LAMA2: variants seen among roughly 807,000 people sequenced by gnomAD.
LAMA2 encodes the protein laminin subunit alpha 2.
Under a neutral mutation model 364.8 loss-of-function variants are expected in LAMA2, and 269 were observed. The ratio of observed to expected loss-of-function variants is 0.74; its 90% CI spans 0.67 to 0.82. The LOEUF (loss-of-function observed/expected upper bound fraction) is 0.82, where lower values mean the gene tolerates loss of function less well. LAMA2 is among the 40% of genes least tolerant of loss of function. The pLI is 0.00. For missense variants in LAMA2, 3,807 were observed against 3,873.2 expected (o/e 0.98, Z 0.45); for synonymous variants, 1,379 against 1,370.6 (o/e 1.01, Z -0.14).
chr6:129,054,845 G>A (rs7758505), intron 2 of LAMA2, among the ~76,000 whole-genome samples: 143,397 of 150,584 alleles, frequency 0.95, 68,355 homozygotes, highest in East Asian at 0.97. Flanking sequence ...GAGGAATGAT[G>A]CAAAGATTGG....
chr6:129,511,629 C>T (rs1018256882), intron 62 of LAMA2, among the ~76,000 whole-genome samples: 1 of 152,084 alleles, frequency 6.6e-6, no homozygotes, highest in Non-Finnish European at 1.5e-5. Flanking sequence ...CTGAGTATTT[C>T]TCTGATACTC....
chr6:129,472,546 A>G (rs1408526121), intron 51 of LAMA2, among the ~76,000 whole-genome samples: 1 of 151,888 alleles, frequency 6.6e-6, no homozygotes, highest in South Asian at 2.1e-4. Context: ...CCTTTTTTCC[A>G]TCTATTTCTG....
intron 40 of LAMA2, among the ~76,000 whole-genome samples, chr6:129,408,533 C>T (rs1027966707): frequency 2.0e-5 from 3 of 152,074 alleles, no homozygotes; most frequent in Admixed American, 6.5e-5. Flanking sequence ...AAACATTGGG[C>T]GTAGGATGGG....
intron 1 of LAMA2, among the ~76,000 whole-genome samples, chr6:128,942,861 C>A (rs144912147): frequency 6.6e-6 from 1 of 151,998 alleles, no homozygotes; most frequent in Non-Finnish European, 1.5e-5. Context: ...CAGGGGTAAC[C>A]GAAAAGTGTG....
chr6:129,240,098 C>T (rs953370741), intron 12 of LAMA2, among the ~76,000 whole-genome samples: 6 of 152,192 alleles, frequency 3.9e-5, no homozygotes, highest in Non-Finnish European at 8.8e-5. Context: ...AGCTGAAAAA[C>T]TTGGAATCTG....
intron 37 of LAMA2, among the ~76,000 whole-genome samples, chr6:129,394,915 G>T (rs549338178): frequency 1.5e-4 from 23 of 152,264 alleles, no homozygotes; most frequent in Non-Finnish European, 3.2e-4. Flanking sequence ...GATTTTCCTT[G>T]TATGTGCCAC....
chr6:129,302,999 G>C (rs1036113627), intron 22 of LAMA2, among the ~76,000 whole-genome samples: 3 of 152,014 alleles, frequency 2.0e-5, no homozygotes, highest in African/African-American at 7.2e-5. Flanking sequence ...CAAAAAGCCT[G>C]CTAGGATTTG....
At chr6:129,225,252 C>T (rs1356181792) in intron 12 of LAMA2, among the ~76,000 whole-genome samples, 1 of 152,136 alleles carries the variant, frequency 6.6e-6, no homozygotes, top group African/African-American at 2.4e-5. Flanking sequence ...TGCTAGCAGT[C>T]TATCAATTTT....
At chr6:129,176,644 T>A (rs1780611548) in intron 9 of LAMA2, among the ~76,000 whole-genome samples, 1 of 152,148 alleles carries the variant, frequency 6.6e-6, no homozygotes, top group Non-Finnish European at 1.5e-5. Flanking sequence ...TTTATTATAT[T>A]TTTATCAATG....
intron 3 of LAMA2, among the ~76,000 whole-genome samples, chr6:129,097,184 T>C (rs1196094430): frequency 1.3e-5 from 2 of 152,220 alleles, no homozygotes; most frequent in Admixed American, 1.3e-4. Flanking sequence ...TGTTTTATTA[T>C]TATAGCACTT....
intron 1 of LAMA2, among the ~76,000 whole-genome samples, chr6:128,895,603 G>A (rs1582620366): frequency 6.6e-6 from 1 of 152,024 alleles, no homozygotes; most frequent in Admixed American, 6.5e-5. Flanking sequence ...AGCCGAGATT[G>A]CGCCACTGCA....
intron 58 of LAMA2, among the ~76,000 whole-genome samples, chr6:129,498,169 A>G (rs939899915): frequency 3.3e-5 from 5 of 152,226 alleles, no homozygotes; most frequent in Non-Finnish European, 4.4e-5. Context: ...TGAAGAGTTC[A>G]GCCGTAAACC....
chr6:129,346,777 A>G (rs1776580592), intron 30 of LAMA2, among the ~76,000 whole-genome samples: 2 of 152,192 alleles, frequency 1.3e-5, no homozygotes, highest in Non-Finnish European at 2.9e-5. Context: ...ATAGATATAT[A>G]ATGTAATATC....
rs1379514884 is a variant in LAMA2 at position 129,313,070 on chromosome 6, T to C, written c.3384T>C (p.Ser1128=). ...CDSETKKCSC[S]DQTGQCTCKV... is the part of the protein sequence containing the mutation. Reference sequence around the variant, plus strand: ...CAGAGACTAAAAAATGCTCCTGTAGTGATCAAACTGGGCAGTGCACTTGTA... The same window carrying C: ...CAGAGACTAAAAAATGCTCCTGTAGCGATCAAACTGGGCAGTGCACTTGTA... Residue 1128 remains serine, a synonymous_variant, in exon 23 of 65, where the codon AGT becomes AGC. Transcript: ENST00000421865. The C allele has an allele frequency of 6.2e-7, 1 of 1,610,654 alleles. No homozygotes were observed. Among genetic ancestry groups the C allele is most frequent in the Non-Finnish European group, 8.5e-7 (1 of 1,177,182 alleles).
intron 41 of LAMA2, among the ~76,000 whole-genome samples, chr6:129,433,380 A>G (rs893745838): frequency 9.2e-5 from 14 of 152,300 alleles, no homozygotes; most frequent in African/African-American, 3.1e-4. Flanking sequence ...TTTCCTACCC[A>G]GGTCTCAAGA....
intron 1 of LAMA2, among the ~76,000 whole-genome samples, chr6:128,967,607 C>A (rs1390495117): frequency 6.6e-6 from 1 of 152,026 alleles, no homozygotes; most frequent in African/African-American, 2.4e-5. Flanking sequence ...AAAAGTTAAC[C>A]CTGCTCAAAA....
chr6:129,065,923 A>G (rs1789266479), intron 3 of LAMA2, among the ~76,000 whole-genome samples: 1 of 151,696 alleles, frequency 6.6e-6, no homozygotes. Flanking sequence ...GCCTGCTGCC[A>G]TCCATGTAAG....
At chr6:129,443,040 C>A in intron 43 of LAMA2, 23 bp from the exon 44 acceptor site, 1 of 1,568,204 alleles carries the variant, frequency 6.4e-7, no homozygotes, top group South Asian at 1.1e-5. Context: ...TTTTGTTTTG[C>A]TTCCATGTGA....
chr6:129,063,428 T>G (rs1482561177), intron 3 of LAMA2, among the ~76,000 whole-genome samples: 1 of 152,204 alleles, frequency 6.6e-6, no homozygotes, highest in East Asian at 1.9e-4. Flanking sequence ...ATTTTATTTA[T>G]TTCTTTTAAA....
Sources: gnomAD v4.1 joint callset for allele counts (sites outside exome capture counted in the v4.1 genomes callset) on GRCh38, gnomAD v4.1.1 for gene constraint, MANE v1.5 for transcripts, NCBI Gene and HGNC (gene_info 2026-07-23, HGNC 2026-07-21) for gene names.